PKD1L1: variants seen among roughly 807,000 people sequenced by gnomAD.
The protein encoded by PKD1L1 is polycystin-1-like protein 1.
PKD1L1 carries 236 observed loss-of-function variants against 323.4 expected under a neutral mutation model. The ratio of observed to expected loss-of-function variants is 0.73; its 90% CI spans 0.66 to 0.81. PKD1L1 has a LOEUF of 0.81. Ranked by LOEUF, PKD1L1 falls within the 40% of genes least tolerant of loss-of-function variation. PKD1L1 has a pLI of 0.00. For synonymous variants in PKD1L1, 1,344 were observed against 1,335.0 expected, an observed-to-expected ratio of 1.01 and a Z score of -0.15; for missense variants, 3,320 against 3,508.0, an observed-to-expected ratio of 0.95 and a Z score of 1.35.
rs558785876 is a variant in PKD1L1, at chr7:47,841,081, A to G, written c.5446-514T>C. On this transcript the variant is annotated intron_variant, in intron 34 of 56. Coordinates refer to ENST00000289672, the MANE Select transcript of PKD1L1 (RefSeq NM_138295.5). ...ATGTAATGTCACTTATCAAATTTTC[A>G]TTTAAGAAAGATATTTCTGTTTCTG... is the stretch of plus-strand genomic sequence containing the variant. 2.6e-5 allele frequency among the ~76,000 whole-genome samples: 4 copies of G among 152,344 alleles called. 1 individual carries two copies. The South Asian group carries it at 8.3e-4, about 32-fold the overall frequency.
intron 6 of PKD1L1, 42 bp from the exon 7 acceptor site, chr7:47,929,568 AC>A (rs1787725887): frequency 1.9e-6 from 3 of 1,540,100 alleles, no homozygotes; most frequent in African/African-American, 1.4e-5. Context: ...ATGACAGTGG[AC>A]CACTGGGGTG....
At position 47,792,688 on chromosome 7, in the gene PKD1L1, GTGT is replaced by G; in HGVS notation, c.8462_8464del (p.Asn2821del). 2 of 1,614,062 alleles carry G rather than the reference GTGT, an allele frequency of 1.2e-6. No individual in the cohort carries two copies. Among genetic ancestry groups the G allele is most frequent in the Non-Finnish European group, 1.7e-6 (2 of 1,179,954 alleles). ...ACTCTCTTCTGTCCTTGCCTCCCCT[GTGT>G]TGTTGGATGTTTTTTCCAGAAGGGG... is the stretch of plus-strand genomic sequence containing the variant. On this transcript the variant is annotated inframe_deletion, in exon 56 of 57. Transcript: ENST00000289672.
intron 26 of PKD1L1, among the ~76,000 whole-genome samples, chr7:47,859,141 C>G (rs903606155): frequency 6.6e-6 from 1 of 152,176 alleles, no homozygotes; most frequent in Non-Finnish European, 1.5e-5. Flanking sequence ...GGCCAGCTTC[C>G]TAAGTAGCAA....
chr7:47,910,784 G>A (rs137969239), intron 8 of PKD1L1, among the ~76,000 whole-genome samples: 3,960 of 150,390 alleles, frequency 0.026, 102 homozygotes, highest in African/African-American at 0.068. Flanking sequence ...ACCCTCCCAA[G>A]TAGCTCGGAT....
chr7:47,819,490 C>T (rs998764141), intron 46 of PKD1L1: 5 of 1,276,560 alleles, frequency 3.9e-6, no homozygotes, highest in Non-Finnish European at 4.1e-6. Flanking sequence ...CAAATTATCA[C>T]TTTGTTTTGC....
intron 56 of PKD1L1, among the ~76,000 whole-genome samples, chr7:47,786,793 G>A (rs907572653): frequency 2.6e-5 from 4 of 152,210 alleles, no homozygotes; most frequent in African/African-American, 9.7e-5. Flanking sequence ...AGAGCTCGGA[G>A]GTCCTTCTGC....
At chr7:47,866,802 A>G (rs1296277217) in intron 24 of PKD1L1, among the ~76,000 whole-genome samples, 188 bp from the exon 25 acceptor site, 1 of 152,204 alleles carries the variant, frequency 6.6e-6, no homozygotes, top group Non-Finnish European at 1.5e-5. Flanking sequence ...AAGTCATAAT[A>G]TAAAATTTTA....
At position 47,877,665 on chromosome 7, in the gene PKD1L1, T is replaced by C. The variant is rs1403105142; in HGVS notation, c.3521-34A>G. On this transcript the variant is annotated intron_variant, in intron 21 of 56. Coordinates refer to ENST00000289672, the MANE Select transcript of PKD1L1 (RefSeq NM_138295.5). ...AAAGATGAAGCAGCGGTTTCACCCA[T>C]GATGGAGAATTACAGCAGCATAGGA... 18 of 1,608,080 alleles carry C rather than the reference T, an allele frequency of 1.1e-5. No individual in the cohort carries two copies. The East Asian group carries it at 3.8e-4, about 34-fold the overall frequency.
chr7:47,939,123 C>T (rs76704109), intron 3 of PKD1L1, among the ~76,000 whole-genome samples: 22 of 152,308 alleles, frequency 1.4e-4, no homozygotes, highest in South Asian at 4.1e-4. Context: ...AACCATCAGA[C>T]GCTCATCTTA....
At position 47,792,755 on chromosome 7, in the gene PKD1L1, G is replaced by A. The variant is rs776521243; in HGVS notation, c.8398C>T (p.Leu2800=). Residue 2800 remains leucine, a synonymous_variant, in exon 56 of 57, where the codon CTG becomes TTG. Coordinates refer to ENST00000289672, the MANE Select transcript of PKD1L1 (RefSeq NM_138295.5). The stretch of plus-strand genomic sequence containing the variant: ...TCGGACAAACCATTAATCTTCATCA[G>A]AAGTTCGTCTAACAGATTTGCAAAT... ...DEFANLLDEL[L]MKINGLSDSL... is the part of the protein sequence containing the mutation. The A allele has an allele frequency of 6.2e-7, 1 of 1,613,994 alleles. No individual in the cohort carries two copies. Among genetic ancestry groups the A allele is most frequent in the Non-Finnish European group, 8.5e-7 (1 of 1,179,976 alleles).
intron 21 of PKD1L1, 117 bp downstream of exon 21, chr7:47,880,611 A>T (rs559545137): frequency 9.9e-6 from 6 of 603,820 alleles, no homozygotes; most frequent in African/African-American, 8.3e-5. Context: ...TAAAAAGGCA[A>T]CTGCTTAGCC....
Position 47,861,880 on chromosome 7 carries a change from C to CA in PKD1L1, c.4150-2996dup, listed in dbSNP as rs60918464. 5.0e-3 allele frequency among the ~76,000 whole-genome samples: 221 copies of CA among 43,918 alleles called. 40 individuals carry two copies. The highest frequency in any genetic ancestry group is 0.011 in the South Asian group (6 of 564). 28.8% of individuals were successfully genotyped at this position (43,918 alleles called of 152,430 possible). On this transcript the variant is annotated intron_variant, in intron 26 of 56. Coordinates refer to ENST00000289672, the MANE Select transcript of PKD1L1 (RefSeq NM_138295.5). ...TGGGCGACAGAGCAAGACTCTGTCT[C>CA]AAAAAAAAAAAAAAAAAAAAAAAAA...
intron 56 of PKD1L1, among the ~76,000 whole-genome samples, chr7:47,791,451 T>C (rs114436612): frequency 0.017 from 2,099 of 124,442 alleles, 51 homozygotes; most frequent in African/African-American, 0.056. Flanking sequence ...AAACTGTCAT[T>C]TCAAAGAGAC....
intron 7 of PKD1L1, among the ~76,000 whole-genome samples, chr7:47,928,943 G>A (rs2128755091): frequency 6.6e-6 from 1 of 152,288 alleles, no homozygotes; most frequent in East Asian, 1.9e-4. Flanking sequence ...CAAGTCCCCA[G>A]CCTCACCACA....
intron 55 of PKD1L1, among the ~76,000 whole-genome samples, chr7:47,793,043 T>C (rs1390904877): frequency 7.4e-6 from 1 of 135,940 alleles, no homozygotes; most frequent in Non-Finnish European, 1.7e-5. Context: ...TAATAATGCC[T>C]ACATAAAAAA....
intron 56 of PKD1L1, among the ~76,000 whole-genome samples, chr7:47,777,723 G>A (rs1266104310): frequency 6.6e-6 from 1 of 152,126 alleles, no homozygotes; most frequent in South Asian, 2.1e-4. Flanking sequence ...AGCAAAACAG[G>A]ATCCAGGTTT....
rs201404329 is a variant in PKD1L1, at chr7:47,849,599, AG to A, written c.4961-2529del. Among the ~76,000 whole-genome samples, 246 of 152,348 alleles carry A rather than the reference AG, an allele frequency of 1.6e-3. 3 individuals carry two copies. The highest frequency in any genetic ancestry group is 5.8e-3 in the African/African-American group (242 of 41,584). On this transcript the variant is annotated intron_variant, in intron 31 of 56. Coordinates refer to ENST00000289672, the MANE Select transcript of PKD1L1 (RefSeq NM_138295.5). ...GGCTAAAAAATACTCAACACCACTA[AG>A]TAATAGGGAAATGCAAATTAAAACC... is the stretch of plus-strand genomic sequence containing the variant.
the PKD1L1 span, among the ~76,000 whole-genome samples, chr7:47,956,348 C>A: frequency 6.6e-6 from 1 of 152,162 alleles, no homozygotes. Flanking sequence ...GGTCCTTTCC[C>A]CCTGGAAGCA....
chr7:47,881,981 C>T lies in PKD1L1; in HGVS notation c.3370G>A (p.Glu1124Lys), dbSNP rs201930177. ...VDPSLSAGRA[E>K]PVLMIDWPKA... ...GGCCAGTCAATCATGAGGACAGGCT[C>T]GGCTCTGCCTGCAGACAGGGAGGGG... Residue 1124 changes from glutamate (E) to lysine (K), a missense_variant, in exon 20 of 57, where the codon GAG (glutamate) becomes AAG (lysine). Transcript: ENST00000289672. 5.5e-5 allele frequency: 89 copies of T among 1,614,020 alleles called. 1 individual carries two copies. The highest frequency in any genetic ancestry group is 1.3e-4 in the East Asian group (6 of 44,874).
Sources: gnomAD v4.1 joint callset for allele counts (sites outside exome capture counted in the v4.1 genomes callset) on GRCh38, gnomAD v4.1.1 for gene constraint, MANE v1.5 for transcripts, NCBI Gene and HGNC (gene_info 2026-07-23, HGNC 2026-07-21) for gene names.